Variants in CDKN1B observed in about 807,000 individuals in gnomAD.
CDKN1B encodes cyclin-dependent kinase inhibitor 1B.
A neutral mutation model predicts 17.1 loss-of-function variants in CDKN1B; 7 were observed. That is an observed-to-expected ratio of 0.41 (90% CI 0.23 to 0.77). The LOEUF (loss-of-function observed/expected upper bound fraction) is 0.77, where lower values mean the gene tolerates loss of function less well. CDKN1B is among the 30% of genes least tolerant of loss of function. CDKN1B has a pLI of 0.33. For missense variants in CDKN1B, 337 were observed against 262.0 expected (o/e 1.29, Z -1.98); for synonymous variants, 149 against 104.3 (o/e 1.43, Z -2.61).
chr12:12,717,675 G>A lies in CDKN1B; in HGVS notation c.-165G>A. ...CGGGGCTTCCCCGCAGCCCCTGCGC[G>A]CTCCTAGAGCTCGGGCCGTGGCTCG... On this transcript the variant is annotated 5_prime_UTR_variant, in exon 1 of 3. Coordinates refer to ENST00000228872, the MANE Select transcript of CDKN1B (RefSeq NM_004064.5). 6.6e-7 allele frequency: 1 copy of A among 1,508,054 alleles called. No individual in the cohort carries two copies. Among genetic ancestry groups the A allele is most frequent in the South Asian group, 1.2e-5 (1 of 80,872 alleles). The allele number at this position is 1,508,054 out of a possible 1,614,324, so 93.4% of individuals were successfully genotyped here.
In CDKN1B at chr12:12,718,872, T is replaced by A. The variant is rs753943702; in HGVS notation, c.523T>A (p.Ser175Thr). 2.5e-5 allele frequency: 41 copies of A among 1,614,054 alleles called. No individual in the cohort carries two copies. Among genetic ancestry groups the A allele is most frequent in the Non-Finnish European group, 1.7e-5 (20 of 1,180,044 alleles). The change falls in exon 2 of 3, where the codon TCA becomes ACA. Residue 175 changes from serine to threonine, a missense_variant. Ser to Thr is a moderately conservative substitution (Grantham distance 58, BLOSUM62 1). Coordinates refer to ENST00000228872, the MANE Select transcript of CDKN1B (RefSeq NM_004064.5). ...KRANRTEENV[S>T]DGSPNAGSVE... ...AGCCAACAGAACAGAAGAAAATGTT[T>A]CAGACGGTTCCCCAAATGCCGGTTC...
chr12:12,720,123 C>T (rs1946527660), intron 2 of CDKN1B, among the ~76,000 whole-genome samples: 1 of 152,214 alleles, frequency 6.6e-6, no homozygotes, highest in Admixed American at 6.5e-5. Context: ...TATAGAACCT[C>T]CATTTTACAG....
intron 2 of CDKN1B, among the ~76,000 whole-genome samples, chr12:12,720,515 A>T (rs1946531495): frequency 6.6e-6 from 1 of 152,112 alleles, no homozygotes; most frequent in Non-Finnish European, 1.5e-5. Context: ...AAAATTAAAA[A>T]TTTTCAAAAA....
At position 12,717,409 on chromosome 12, in the gene CDKN1B, A is replaced by T. The variant is rs1405526902; in HGVS notation, c.-431A>T. The stretch of plus-strand genomic sequence containing the variant: ...CCTTCCACCGCCATATTGGGCCACT[A>T]AAAAAAGGGGGCTCGTCTTTTCGGG... On this transcript the variant is annotated 5_prime_UTR_variant, in exon 1 of 3. Coordinates refer to ENST00000228872, the MANE Select transcript of CDKN1B (RefSeq NM_004064.5). 1.7e-6 allele frequency: 2 copies of T among 1,203,320 alleles called. No individual in the cohort carries two copies. The highest frequency in any genetic ancestry group is 4.4e-5 in the South Asian group (2 of 45,796). 74.5% of individuals were successfully genotyped at this position (1,203,320 alleles called of 1,614,324 possible). A position where few individuals can be genotyped will look rare whatever the true frequency, so the allele number is the denominator to read the frequency against.
At position 12,717,911 on chromosome 12, in the gene CDKN1B, C is replaced by T. The variant is rs1336379841; in HGVS notation, c.72C>T (p.Pro24=). ...TGGACGCCAGGCAGGCGGAGCACCC[C>T]AAGCCCTCGGCCTGCAGGAACCTCT... ...ERMDARQAEH[P]KPSACRNLFG... is the part of the protein sequence containing the mutation. The change falls in exon 1 of 3, where the codon CCC becomes CCT. Residue 24 remains proline (P), a synonymous_variant. Coordinates refer to ENST00000228872, the MANE Select transcript of CDKN1B (RefSeq NM_004064.5). 6.2e-7 allele frequency: 1 copy of T among 1,614,154 alleles called. No homozygotes were observed. The highest frequency in any genetic ancestry group is 1.1e-5 in the South Asian group (1 of 91,084).
At chr12:12,719,598 T>G (rs989088403) in intron 2 of CDKN1B, 1 of 152,642 alleles carries the variant, frequency 6.6e-6, no homozygotes, top group African/African-American at 2.4e-5. Context: ...TCTACAGAAT[T>G]TCTGGTAACA....
chr12:12,718,328 C>G lies in CDKN1B; in HGVS notation c.475+14C>G, dbSNP rs1335359413. On this transcript the variant is annotated intron_variant, in intron 1 of 2. Transcript: ENST00000228872. ...CTGCAACCGACGGTAATGACCCTTT[C>G]CCAACCATAGAATGTGTTTGGGGCC... The G allele has an allele frequency of 6.3e-7, 1 of 1,597,384 alleles. No individual in the cohort carries two copies. Among genetic ancestry groups the G allele is most frequent in the African/African-American group, 1.3e-5 (1 of 74,878 alleles).
In CDKN1B at chr12:12,717,864, G is replaced by A. The variant is rs755225286; in HGVS notation, c.25G>A (p.Gly9Arg). MSNVRVSN[G>R]SPSLERMDAR... is the part of the protein sequence containing the mutation. ...GATGTCAAACGTGCGAGTGTCTAAC[G>A]GGAGCCCTAGCCTGGAGCGGATGGA... The change falls in exon 1 of 3, where the codon GGG becomes AGG. Residue 9 changes from glycine to arginine, a missense_variant. By Grantham distance (125) the Gly-to-Arg change is moderately radical (BLOSUM62 -2). Coordinates refer to ENST00000228872, the MANE Select transcript of CDKN1B (RefSeq NM_004064.5). The A allele has an allele frequency of 1.4e-5, 22 of 1,613,534 alleles. No homozygotes were observed. Among genetic ancestry groups the A allele is most frequent in the South Asian group, 4.4e-5 (4 of 91,072 alleles).
chr12:12,719,234 A>C, intron 2 of CDKN1B: 1 of 427,262 alleles, frequency 2.3e-6, no homozygotes, highest in South Asian at 2.2e-5. Flanking sequence ...GTCCCACTAA[A>C]ACGTGTTGGG....
In CDKN1B at chr12:12,721,189, T is replaced by A. The variant is rs764561406; in HGVS notation, c.*162T>A. 1 of 769,670 alleles carries A rather than the reference T, an allele frequency of 1.3e-6. No individual in the cohort carries two copies. The highest frequency in any genetic ancestry group is 2.4e-5 in the East Asian group (1 of 41,062). The allele number at this position is 769,670 out of a possible 1,614,324, so 47.7% of individuals were successfully genotyped here. A position where few individuals can be genotyped will look rare whatever the true frequency, so the allele number is the denominator to read the frequency against. Reference sequence around the variant, plus strand: ...AACAACAACACAATAACACTAAAATTTTAGGCACTCTTAAATGATCTGCCT... The same window carrying A: ...AACAACAACACAATAACACTAAAATATTAGGCACTCTTAAATGATCTGCCT... On this transcript the variant is annotated 3_prime_UTR_variant, in exon 3 of 3. Coordinates refer to ENST00000228872, the MANE Select transcript of CDKN1B (RefSeq NM_004064.5).
At position 12,717,584 on chromosome 12, in the gene CDKN1B, G is replaced by C. The variant is rs1007670739; in HGVS notation, c.-256G>C. ...CTTTGCCACCCTCTCCGCTTGCCTGGTCCCCTCTCCTCTCCGCCCTCCCGC... is the reference window on the plus strand; with the variant it reads ...CTTTGCCACCCTCTCCGCTTGCCTGCTCCCCTCTCCTCTCCGCCCTCCCGC... On this transcript the variant is annotated 5_prime_UTR_variant, in exon 1 of 3. Coordinates refer to ENST00000228872, the MANE Select transcript of CDKN1B (RefSeq NM_004064.5). The C allele has an allele frequency of 1.4e-6, 2 of 1,426,352 alleles. No individual in the cohort carries two copies. Among genetic ancestry groups the C allele is most frequent in the Non-Finnish European group, 1.8e-6 (2 of 1,095,300 alleles). 88.4% of individuals were successfully genotyped at this position (1,426,352 alleles called of 1,614,324 possible). A position where few individuals can be genotyped will look rare whatever the true frequency, so the allele number is the denominator to read the frequency against.
Position 12,717,747 on chromosome 12 carries a change from A to G in CDKN1B, c.-93A>G. On this transcript the variant is annotated 5_prime_UTR_variant, in exon 1 of 3. Coordinates refer to ENST00000228872, the MANE Select transcript of CDKN1B (RefSeq NM_004064.5). ...TCCGAGGGCAGTCGCTGGGCTTCCG[A>G]GAGGGGTTCGGGCTGCGTAGGGGCG... is the stretch of plus-strand genomic sequence containing the variant. 2 of 1,594,070 alleles carry G rather than the reference A, an allele frequency of 1.3e-6. No homozygotes were observed. The highest frequency in any genetic ancestry group is 2.2e-5 in the South Asian group (2 of 90,310).
rs75774823 is a variant in CDKN1B at position 12,720,957 on chromosome 12, CAA to C, written c.*9-76_*9-75del. ...AAGTATTTCCAAGCTAACATAGTGA[CAA>C]AATAATTCCTGTACTCTACTGGTAA... On this transcript the variant is annotated intron_variant, in intron 2 of 2. Transcript: ENST00000228872. 2.0e-3 allele frequency: 1,147 copies of C among 560,818 alleles called. 11 individuals carry two copies. Among genetic ancestry groups the C allele is most frequent in the East Asian group, 0.014 (478 of 33,610 alleles). 34.7% of individuals were successfully genotyped at this position (560,818 alleles called of 1,614,324 possible).
intron 1 of CDKN1B, among the ~76,000 whole-genome samples, 192 bp from the exon 2 acceptor site, chr12:12,718,633 G>A (rs994420434): frequency 1.3e-5 from 2 of 152,054 alleles, no homozygotes; most frequent in African/African-American, 2.4e-5. Context: ...GCTCTGGGGC[G>A]GAGAATGCAC....
intron 1 of CDKN1B, 152 bp downstream of exon 1, chr12:12,718,466 T>C: frequency 1.4e-6 from 1 of 728,298 alleles, no homozygotes; most frequent in Non-Finnish European, 2.3e-6. Flanking sequence ...CCTGGCCCAC[T>C]GCTTGTCTGT....
chr12:12,720,022 A>T (rs1400735552), intron 2 of CDKN1B, among the ~76,000 whole-genome samples: 1 of 152,248 alleles, frequency 6.6e-6, no homozygotes, highest in Non-Finnish European at 1.5e-5. Context: ...TTTTAAAATA[A>T]CAGGGATTAA....
chr12:12,719,057 T>G (rs1592281899), intron 2 of CDKN1B, 103 bp downstream of exon 2: 3 of 1,476,380 alleles, frequency 2.0e-6, no homozygotes, highest in East Asian at 2.3e-5. Flanking sequence ...TATGGGGTTT[T>G]GTTTTGTTTA....
At chr12:12,718,448 C>T in intron 1 of CDKN1B, 134 bp downstream of exon 1, 2 of 804,624 alleles carry the variant, frequency 2.5e-6, no homozygotes, top group South Asian at 1.5e-5. Flanking sequence ...CTTAGGTGTT[C>T]AGTGCTACCT....
chr12:12,719,178 A>G (rs1481111218), intron 2 of CDKN1B: 2 of 551,488 alleles, frequency 3.6e-6, no homozygotes, highest in South Asian at 4.0e-5. Context: ...CAGAGCAGCT[A>G]CTTGTAACCC....
Sources: gnomAD v4.1 joint callset for allele counts (sites outside exome capture counted in the v4.1 genomes callset) on GRCh38, gnomAD v4.1.1 for gene constraint, MANE v1.5 for transcripts, NCBI Gene and HGNC (gene_info 2026-07-23, HGNC 2026-07-21) for gene names.